Variants in FAM184A observed in about 807,000 individuals in gnomAD.
The protein encoded by FAM184A is family with sequence similarity 184 member A.
Under a neutral mutation model 143.8 loss-of-function variants are expected in FAM184A, and 99 were observed. The ratio of observed to expected loss-of-function variants is 0.69; its 90% CI spans 0.58 to 0.81. The LOEUF is 0.81. FAM184A is among the 40% of genes least tolerant of loss of function. The pLI is 0.00. For missense variants in FAM184A, 1,217 were observed against 1,310.5 expected (o/e 0.93, Z 1.10); for synonymous variants, 427 against 446.4 (o/e 0.96, Z 0.55).
chr6:119,050,939 GC>G (rs1359860589), intron 1 of FAM184A, among the ~76,000 whole-genome samples: 2 of 152,304 alleles, frequency 1.3e-5, no homozygotes, highest in East Asian at 3.9e-4. Flanking sequence ...ATAAATGGGA[GC>G]TAAATGATGA....
At chr6:118,963,917 T>C (rs556903455) in intron 16 of FAM184A, 1 of 152,188 alleles carries the variant, frequency 6.6e-6, no homozygotes, top group East Asian at 1.9e-4. Flanking sequence ...ATTGGAGCCA[T>C]GGGAAGCTAG....
chr6:119,101,595 A>G (rs1439808155), intron 1 of FAM184A, among the ~76,000 whole-genome samples: 1 of 152,126 alleles, frequency 6.6e-6, no homozygotes, highest in African/African-American at 2.4e-5. Context: ...TAATCGCGCA[A>G]ATTTCTTGAG....
At chr6:119,086,724 C>T (rs1788233396) in intron 1 of FAM184A, among the ~76,000 whole-genome samples, 1 of 152,228 alleles carries the variant, frequency 6.6e-6, no homozygotes, top group Non-Finnish European at 1.5e-5. Flanking sequence ...AATCACGAGC[C>T]ATTGGAGGGC....
chr6:119,125,506 C>A (rs1191138932), intron 1 of FAM184A, among the ~76,000 whole-genome samples: 1 of 152,154 alleles, frequency 6.6e-6, no homozygotes, highest in Non-Finnish European at 1.5e-5. Flanking sequence ...CTCCTGACCT[C>A]GTGATCTAGC....
Position 119,022,964 on chromosome 6 carries a change from T to C in FAM184A, c.1131A>G (p.Ser377=), listed in dbSNP as rs746513402. The C allele has an allele frequency of 6.2e-7, 1 of 1,614,198 alleles. No homozygotes were observed. The highest frequency in any genetic ancestry group is 1.7e-5 in the Admixed American group (1 of 60,030). The part of the protein sequence containing the change: ...AARERLQQQA[S]DLVLKASHIG... ...ACATACTAGCTTTGAGGACAAGATC[T>C]GAAGCTTGCTGTTGTAAACGTTCTC... The change falls in exon 3 of 18, where the codon TCA becomes TCG. Residue 377 remains serine, a synonymous_variant. Transcript: ENST00000338891.
In FAM184A at chr6:118,959,987, A is replaced by T; in HGVS notation, c.*116T>A. The T allele has an allele frequency of 1.5e-6, 1 of 685,954 alleles. No individual in the cohort carries two copies. 42.5% of individuals were successfully genotyped at this position (685,954 alleles called of 1,614,324 possible). ...AATACAGTGCATTTTCAAGTTGGAGAGACAAATACTTTCTCATTCACAGTG... is the reference window on the plus strand; with the variant it reads ...AATACAGTGCATTTTCAAGTTGGAGTGACAAATACTTTCTCATTCACAGTG... On this transcript the variant is annotated 3_prime_UTR_variant, in exon 18 of 18. Transcript: ENST00000338891.
intron 14 of FAM184A, among the ~76,000 whole-genome samples, chr6:118,968,777 TTAAGG>T (rs1450551874): frequency 7.9e-5 from 12 of 152,224 alleles, no homozygotes; most frequent in Non-Finnish European, 1.3e-4. Context: ...AATTGAGAAG[TTAAGG>T]TAAAGTGAAT....
intron 16 of FAM184A, chr6:118,963,035 GA>G (rs1783383192): frequency 3.9e-5 from 6 of 151,966 alleles, no homozygotes; most frequent in Admixed American, 3.9e-4. Context: ...AGTCTCTGAT[GA>G]AAATCCTATT....
intron 5 of FAM184A, among the ~76,000 whole-genome samples, chr6:119,013,872 T>C (rs1354636191): frequency 6.6e-6 from 1 of 152,244 alleles, no homozygotes; most frequent in African/African-American, 2.4e-5. Flanking sequence ...CATCGAGGTT[T>C]ATTAAACCTA....
At chr6:119,006,224 T>A in intron 7 of FAM184A, 1 of 757,326 alleles carries the variant, frequency 1.3e-6, no homozygotes, top group Non-Finnish European at 2.4e-6. Flanking sequence ...GGAAGGAACA[T>A]AGCTGTGCCA....
chr6:119,145,572 G>A (rs9387637), intron 1 of FAM184A, among the ~76,000 whole-genome samples: 44,707 of 151,972 alleles, frequency 0.29, 7,128 homozygotes, highest in East Asian at 0.53. Context: ...ACTGGCTGGC[G>A]TTTTTGACAT....
intron 1 of FAM184A, among the ~76,000 whole-genome samples, chr6:119,033,034 C>T (rs139954906): frequency 9.9e-4 from 150 of 152,258 alleles, no homozygotes; most frequent in African/African-American, 3.5e-3. Flanking sequence ...TTCAATGGTA[C>T]TCCCAGACCA....
At chr6:119,056,994 G>A (rs1351949821) in intron 1 of FAM184A, among the ~76,000 whole-genome samples, 1 of 152,182 alleles carries the variant, frequency 6.6e-6, no homozygotes, top group Non-Finnish European at 1.5e-5. Flanking sequence ...ACCCATTTAT[G>A]CCGAAGGTTG....
intron 9 of FAM184A, among the ~76,000 whole-genome samples, chr6:118,987,771 T>C (rs573528437): frequency 6.6e-6 from 1 of 152,338 alleles, no homozygotes; most frequent in Non-Finnish European, 1.5e-5. Context: ...AACTAGTTAA[T>C]AGTTTTTCAA....
At chr6:119,075,573 T>TA (rs1325180428) in intron 1 of FAM184A, among the ~76,000 whole-genome samples, 1 of 152,220 alleles carries the variant, frequency 6.6e-6, no homozygotes, top group African/African-American at 2.4e-5. Context: ...GCTGCTATAA[T>TA]GCTGAAGAGT....
chr6:119,036,171 A>C (rs888007107), intron 1 of FAM184A, among the ~76,000 whole-genome samples: 2 of 151,742 alleles, frequency 1.3e-5, no homozygotes, highest in Non-Finnish European at 2.9e-5. Context: ...AGAATAGTTC[A>C]GCCCCATAAA....
At chr6:118,984,663 T>C (rs894938743) in intron 9 of FAM184A, among the ~76,000 whole-genome samples, 23 of 152,274 alleles carry the variant, frequency 1.5e-4, no homozygotes, top group African/African-American at 5.5e-4. Flanking sequence ...GCAATATCGG[T>C]GTTTTTTCTT....
At chr6:119,109,554 A>G (rs1480654371) in intron 1 of FAM184A, among the ~76,000 whole-genome samples, 1 of 152,242 alleles carries the variant, frequency 6.6e-6, no homozygotes, top group Admixed American at 6.5e-5. Context: ...CTATGTATAC[A>G]GAGCACCAAA....
intron 9 of FAM184A, among the ~76,000 whole-genome samples, chr6:118,987,623 T>A (rs1283582027): frequency 6.6e-6 from 1 of 152,180 alleles, no homozygotes; most frequent in African/African-American, 2.4e-5. Flanking sequence ...TTACAATGTA[T>A]AAAATATGTT....
Sources: allele counts gnomAD v4.1 joint callset (sites outside exome capture counted in the v4.1 genomes callset), GRCh38; gene constraint gnomAD v4.1.1; transcripts MANE v1.5; gene names NCBI Gene and HGNC (gene_info 2026-07-23, HGNC 2026-07-21).